TRAPPC10: variants seen among roughly 807,000 people sequenced by gnomAD.
The protein encoded by TRAPPC10 is trafficking protein particle complex subunit 10, also known as TRAPP 130 kDa subunit.
A neutral mutation model predicts 125.5 loss-of-function variants in TRAPPC10; 23 were observed. That is an observed-to-expected ratio of 0.18 (90% CI 0.13 to 0.26). The LOEUF is 0.26. Ranked by LOEUF, TRAPPC10 falls within the 10% of genes least tolerant of loss-of-function variation. TRAPPC10 has a pLI of 1.00. For synonymous variants in TRAPPC10, 509 were observed against 518.0 expected (o/e 0.98, Z 0.24); for missense variants, 1,123 against 1,308.4 (o/e 0.86, Z 2.19).
chr21:44,053,913 T>TA (rs1314911070), intron 4 of TRAPPC10, among the ~76,000 whole-genome samples: 2 of 131,230 alleles, frequency 1.5e-5, no homozygotes, highest in Admixed American at 7.1e-5. Flanking sequence ...CTTTTTTACT[T>TA]AAAAAAAATT....
chr21:44,094,984 C>T (rs956664850), intron 20 of TRAPPC10, among the ~76,000 whole-genome samples: 1 of 149,814 alleles, frequency 6.7e-6, no homozygotes, highest in Non-Finnish European at 1.5e-5. Flanking sequence ...TAAATAAAAC[C>T]ACAAATTATT....
intron 2 of TRAPPC10, among the ~76,000 whole-genome samples, chr21:44,034,771 G>C (rs560383763): frequency 6.6e-6 from 1 of 152,304 alleles, no homozygotes; most frequent in South Asian, 2.1e-4. Context: ...GTCCTTGTAA[G>C]AGGCAGAAGA....
chr21:44,027,286 G>C (rs2033158382), intron 1 of TRAPPC10, among the ~76,000 whole-genome samples: 1 of 152,086 alleles, frequency 6.6e-6, no homozygotes, highest in South Asian at 2.1e-4. Flanking sequence ...ATTCTGTTTT[G>C]CTTAGCCACT....
At chr21:44,020,315 G>T (rs1441839743) in intron 1 of TRAPPC10, among the ~76,000 whole-genome samples, 1 of 151,878 alleles carries the variant, frequency 6.6e-6, no homozygotes, top group Non-Finnish European at 1.5e-5. Context: ...TTTTAGTAAG[G>T]ATGGAGTTCA....
intron 9 of TRAPPC10, 143 bp from the exon 10 acceptor site, chr21:44,076,409 G>A: frequency 1.6e-6 from 1 of 616,856 alleles, no homozygotes; most frequent in Non-Finnish European, 2.9e-6. Context: ...ACATAATCAT[G>A]TAGTTTCCGT....
chr21:44,056,387 C>T lies in TRAPPC10; in HGVS notation c.678+494C>T, dbSNP rs2145864703. ...GGTGTCCGGGGTGGTGGGCAAAGGC[C>T]TGAGAAGAGGTGGGCTTGCACAGTC... On this transcript the variant is annotated intron_variant, in intron 5 of 22. Transcript: ENST00000291574. Among the ~76,000 whole-genome samples, 2 of 152,174 alleles carry T rather than the reference C, an allele frequency of 1.3e-5. 1 individual carries two copies. The highest frequency in any genetic ancestry group is 4.1e-4 in the South Asian group (2 of 4,824).
At chr21:44,081,751 C>T (rs1438213123) in intron 13 of TRAPPC10, among the ~76,000 whole-genome samples, 4 of 152,124 alleles carry the variant, frequency 2.6e-5, no homozygotes, top group African/African-American at 9.7e-5. Context: ...TGGTGGCGGG[C>T]ACCTGTAGTC....
At position 44,052,304 on chromosome 21, in the gene TRAPPC10, G is replaced by T; in HGVS notation, c.310G>T (p.Val104Leu). ...CCDTEVYKATVKDDLTKWQNV... is the reference protein window; with the variant it reads ...CCDTEVYKATLKDDLTKWQNV... The stretch of plus-strand genomic sequence containing the variant: ...GGATACCGAAGTGTATAAAGCTACA[G>T]TAAAAGATGACCTCACCAAGTGGCA... Residue 104 changes from valine to leucine, a missense_variant, in exon 4 of 23, where the codon GTA (valine) becomes TTA (leucine). Physicochemically the swap from Val to Leu is conservative, Grantham distance 32. This residue lies in a region of TRAPPC10 where 177 missense variants were observed against 228.9 expected (regional missense o/e 0.77). Transcript: ENST00000291574. The T allele has an allele frequency of 6.2e-7, 1 of 1,603,044 alleles. No individual in the cohort carries two copies. Among genetic ancestry groups the T allele is most frequent in the Non-Finnish European group, 8.5e-7 (1 of 1,177,122 alleles).
At position 44,075,361 on chromosome 21, in the gene TRAPPC10, T is replaced by G. The variant is rs188634280; in HGVS notation, c.1300+208T>G. 4.8e-4 allele frequency among the ~76,000 whole-genome samples: 73 copies of G among 152,298 alleles called. 1 individual carries two copies. In the Middle Eastern group the frequency reaches 0.02, roughly 43 times the overall value. On this transcript the variant is annotated intron_variant, in intron 9 of 22. Transcript: ENST00000291574. The stretch of plus-strand genomic sequence containing the variant: ...CAATATTAGAAATAGTTGAAGAAAT[T>G]GGAAGGAGTTTCAGAAATGTAGCTG...
intron 4 of TRAPPC10, among the ~76,000 whole-genome samples, chr21:44,055,232 A>G (rs986715112): frequency 6.6e-6 from 1 of 152,120 alleles, no homozygotes; most frequent in Non-Finnish European, 1.5e-5. Context: ...GTTCATGACC[A>G]GTTCATGATG....
At chr21:44,060,863 A>G (rs1286307490) in intron 6 of TRAPPC10, among the ~76,000 whole-genome samples, 3 of 151,544 alleles carry the variant, frequency 2.0e-5, no homozygotes, top group African/African-American at 7.3e-5. Flanking sequence ...GGCTTCCCAA[A>G]GTGCTGGGAT....
chr21:44,029,735 G>A (rs936732628), intron 1 of TRAPPC10, among the ~76,000 whole-genome samples: 4 of 152,186 alleles, frequency 2.6e-5, no homozygotes, highest in Non-Finnish European at 2.9e-5. Context: ...GCCTTCCTGC[G>A]TTCCTTCTGT....
chr21:44,086,556 G>A (rs967243523), intron 15 of TRAPPC10, among the ~76,000 whole-genome samples: 1 of 152,146 alleles, frequency 6.6e-6, no homozygotes, highest in Non-Finnish European at 1.5e-5. Flanking sequence ...ACCAAGATGG[G>A]TATAAGACTC....
At chr21:44,079,899 A>G in intron 12 of TRAPPC10, 116 bp from the exon 13 acceptor site, 1 of 1,127,354 alleles carries the variant, frequency 8.9e-7, no homozygotes, top group Non-Finnish European at 1.3e-6. Flanking sequence ...GTAACTTAAA[A>G]AAAAAAAGCC....
At chr21:44,036,414 A>AT (rs2033987712) in intron 2 of TRAPPC10, among the ~76,000 whole-genome samples, 2 of 152,084 alleles carry the variant, frequency 1.3e-5, no homozygotes, top group Admixed American at 1.3e-4. Flanking sequence ...GTGCTGAGAG[A>AT]TTTTTCCTCT....
intron 3 of TRAPPC10, among the ~76,000 whole-genome samples, chr21:44,049,264 C>A (rs1345452514): frequency 6.6e-6 from 1 of 152,204 alleles, no homozygotes; most frequent in Non-Finnish European, 1.5e-5. Flanking sequence ...CCATTTCAGT[C>A]CAGCACTGCA....
chr21:44,061,999 A>G (rs1027175061), intron 6 of TRAPPC10, among the ~76,000 whole-genome samples: 5 of 152,248 alleles, frequency 3.3e-5, no homozygotes, highest in Admixed American at 1.3e-4. Flanking sequence ...TTTATAAGGT[A>G]AAGACCATAT....
At chr21:44,086,457 C>T (rs186290144) in intron 15 of TRAPPC10, among the ~76,000 whole-genome samples, 1 of 152,352 alleles carries the variant, frequency 6.6e-6, no homozygotes, top group East Asian at 1.9e-4. Flanking sequence ...TCTTAAGCCT[C>T]ATTATGTGAT....
intron 3 of TRAPPC10, chr21:44,046,492 C>T (rs898061168): frequency 8.4e-5 from 20 of 236,996 alleles, no homozygotes; most frequent in Admixed American, 8.1e-4. Flanking sequence ...AGGGGTGACA[C>T]GCTTTACCTT....
Sources: allele counts gnomAD v4.1 joint callset (sites outside exome capture counted in the v4.1 genomes callset), GRCh38; gene constraint gnomAD v4.1.1; regional missense constraint gnomAD v4.1.1; transcripts MANE v1.5; gene names NCBI Gene and HGNC (gene_info 2026-07-23, HGNC 2026-07-21).